Variants in NETO1 observed in about 807,000 individuals in gnomAD.
The protein encoded by NETO1 is neuropilin and tolloid-like protein 1.
Under a neutral mutation model 61.3 loss-of-function variants are expected in NETO1, and 26 were observed. The observed-to-expected ratio is 0.42, with a 90% CI of 0.31 to 0.59. The LOEUF (loss-of-function observed/expected upper bound fraction) is 0.59. NETO1 is among the 20% of genes least tolerant of loss of function. NETO1 has a pLI of 0.12. For missense variants in NETO1, 531 were observed against 662.8 expected (o/e 0.80, Z 2.18); for synonymous variants, 225 against 225.8 (o/e 1.00, Z 0.03).
At chr18:72,810,653 T>C (rs908742705) in intron 4 of NETO1, among the ~76,000 whole-genome samples, 1 of 152,224 alleles carries the variant, frequency 6.6e-6, no homozygotes, top group East Asian at 1.9e-4. Context: ...AATGGTGCAC[T>C]TGCTCCTACA....
intron 4 of NETO1, among the ~76,000 whole-genome samples, chr18:72,852,285 G>A (rs2074274015): frequency 6.6e-6 from 1 of 152,122 alleles, no homozygotes. Flanking sequence ...CATGATCTCG[G>A]CTCACTGCAA....
chr18:72,831,037 A>AC, intron 4 of NETO1, among the ~76,000 whole-genome samples: 1 of 151,978 alleles, frequency 6.6e-6, no homozygotes. Flanking sequence ...AGACCCCCTT[A>AC]CCCCACTACC....
intron 7 of NETO1, among the ~76,000 whole-genome samples, chr18:72,770,317 A>G (rs1305426997): frequency 6.6e-6 from 1 of 152,038 alleles, no homozygotes; most frequent in East Asian, 1.9e-4. Context: ...TGTCTTACCA[A>G]TTATTCTCCA....
intron 4 of NETO1, among the ~76,000 whole-genome samples, chr18:72,800,648 C>T (rs2072474298): frequency 6.6e-6 from 1 of 151,450 alleles, no homozygotes; most frequent in Non-Finnish European, 1.5e-5. Flanking sequence ...GGAAACCATC[C>T]CCCACCCCAG....
chr18:72,795,687 A>G (rs1045797034), intron 4 of NETO1, among the ~76,000 whole-genome samples: 2 of 152,180 alleles, frequency 1.3e-5, no homozygotes, highest in African/African-American at 4.8e-5. Context: ...ATATGTGTAC[A>G]TTGTCAAATG....
At chr18:72,834,349 A>G in intron 4 of NETO1, 1 of 911,070 alleles carries the variant, frequency 1.1e-6, no homozygotes, top group Non-Finnish European at 1.3e-6. Context: ...AAGAAAGGAA[A>G]AGAGACATTA....
At chr18:72,749,515 T>C (rs2070521060) in intron 9 of NETO1, among the ~76,000 whole-genome samples, 1 of 152,166 alleles carries the variant, frequency 6.6e-6, no homozygotes, top group Admixed American at 6.5e-5. Flanking sequence ...TATACTATAC[T>C]ATCCTATGCA....
intron 4 of NETO1, among the ~76,000 whole-genome samples, chr18:72,835,586 G>T (rs2073719333): frequency 6.6e-6 from 1 of 152,186 alleles, no homozygotes; most frequent in South Asian, 2.1e-4. Context: ...GGTGAAATGA[G>T]AAGGAAGAAT....
chr18:72,775,525 A>G (rs1252709793), intron 7 of NETO1, among the ~76,000 whole-genome samples: 1 of 152,236 alleles, frequency 6.6e-6, no homozygotes, highest in East Asian at 1.9e-4. Context: ...TGAACGTGGC[A>G]TGCTATATGA....
chr18:72,827,426 GT>G (rs1411839086), intron 4 of NETO1, among the ~76,000 whole-genome samples: 1 of 152,206 alleles, frequency 6.6e-6, no homozygotes, highest in African/African-American at 2.4e-5. Context: ...TGTAGCCTGG[GT>G]TGGAGGGACC....
Position 72,865,090 on chromosome 18 carries a change from A to G in NETO1, c.82+98T>C, listed in dbSNP as rs567378480. 2.6e-5 allele frequency: 37 copies of G among 1,408,100 alleles called. No homozygotes were observed. The South Asian group carries it at 4.6e-4, about 18-fold the overall frequency. 87.2% of individuals were successfully genotyped at this position (1,408,100 alleles called of 1,614,324 possible). A position where few individuals can be genotyped will look rare whatever the true frequency, so the allele number is the denominator to read the frequency against. ...AAACCAATCAATTATACATATTATA[A>G]CAGGTTCAGATATTCTGGAATATTA... On this transcript the variant is annotated intron_variant, in intron 2 of 10. Coordinates refer to ENST00000327305, the MANE Select transcript of NETO1 (RefSeq NM_138966.5).
chr18:72,846,329 C>A (rs1444729699), intron 4 of NETO1, among the ~76,000 whole-genome samples: 2 of 151,206 alleles, frequency 1.3e-5, no homozygotes, highest in African/African-American at 2.4e-5. Flanking sequence ...ATGGTGAAAT[C>A]CCGTCTCTAC....
intron 4 of NETO1, among the ~76,000 whole-genome samples, chr18:72,800,105 A>C (rs1388669408): frequency 6.6e-6 from 1 of 152,238 alleles, no homozygotes; most frequent in Non-Finnish European, 1.5e-5. Context: ...ATGAGCACCC[A>C]TCTCAGCTTT....
At chr18:72,793,018 T>C (rs1447675754) in intron 6 of NETO1, among the ~76,000 whole-genome samples, 1 of 152,198 alleles carries the variant, frequency 6.6e-6, no homozygotes, top group Non-Finnish European at 1.5e-5. Flanking sequence ...CTCTCTCTGT[T>C]ATACCTTACA....
intron 1 of NETO1, chr18:72,865,499 A>C: frequency 1.3e-6 from 2 of 1,524,810 alleles, no homozygotes; most frequent in Non-Finnish European, 1.8e-6. Flanking sequence ...ATTCACTCTA[A>C]AGGCAACATG....
intron 4 of NETO1, among the ~76,000 whole-genome samples, chr18:72,812,963 T>C (rs988157705): frequency 4.6e-5 from 7 of 152,202 alleles, no homozygotes; most frequent in African/African-American, 1.7e-4. Context: ...ATATTGATTA[T>C]ATAGTACTTT....
At chr18:72,813,593 C>CA in intron 4 of NETO1, among the ~76,000 whole-genome samples, 1 of 151,944 alleles carries the variant, frequency 6.6e-6, no homozygotes, top group African/African-American at 2.4e-5. Flanking sequence ...AGGAAACTAC[C>CA]AAAAAATACC....
intron 7 of NETO1, among the ~76,000 whole-genome samples, chr18:72,771,800 C>A (rs2071360060): frequency 6.6e-6 from 1 of 152,040 alleles, no homozygotes; most frequent in Non-Finnish European, 1.5e-5. Flanking sequence ...ATTGAAAAAA[C>A]CCACATCATT....
At chr18:72,837,666 C>G (rs8097520) in intron 4 of NETO1, among the ~76,000 whole-genome samples, 146,137 of 152,268 alleles carry the variant, frequency 0.96, 70,218 homozygotes, top group Non-Finnish European at 0.99. Flanking sequence ...GAACTTATCT[C>G]TATGGTATTC....
Sources: allele counts gnomAD v4.1 joint callset (sites outside exome capture counted in the v4.1 genomes callset), GRCh38; gene constraint gnomAD v4.1.1; transcripts MANE v1.5; gene names NCBI Gene and HGNC (gene_info 2026-07-23, HGNC 2026-07-21).